The following NFIC variants were observed in gnomAD, a reference collection of about 807,000 sequenced individuals.
NFIC encodes nuclear factor 1 C-type.
Under a neutral mutation model 54.4 loss-of-function variants are expected in NFIC, and 12 were observed. The ratio of observed to expected loss-of-function variants is 0.22; its 90% CI spans 0.14 to 0.36. The LOEUF is 0.36. Among genes scored for constraint, NFIC ranks in the 10% least tolerant of loss-of-function variants. The pLI is 1.00. For synonymous variants in NFIC, 322 were observed against 319.2 expected (o/e 1.01, Z -0.09); for missense variants, 575 against 718.2 (o/e 0.80, Z 2.28).
rs1056930128 is a variant in NFIC, at chr19:3,434,987, C to G, written c.834-96C>G. ...CTCGCGATACTACCTCCCTCGCCCC[C>G]GCTCACTTAAGGACCGGAAGTAGCA... On this transcript the variant is annotated intron_variant, in intron 5 of 10. Coordinates refer to ENST00000443272, the MANE Select transcript of NFIC (RefSeq NM_001245002.2). 56 of 1,418,232 alleles carry G rather than the reference C, an allele frequency of 3.9e-5. No individual in the cohort carries two copies. In the Admixed American group the frequency reaches 8.2e-4, roughly 21 times the overall value. 87.9% of individuals were successfully genotyped at this position (1,418,232 alleles called of 1,614,324 possible).
intron 3 of NFIC, among the ~76,000 whole-genome samples, chr19:3,430,846 C>T (rs1401242301): frequency 1.3e-5 from 2 of 148,912 alleles, no homozygotes; most frequent in Non-Finnish European, 3.0e-5. Flanking sequence ...ACAGGAGAAT[C>T]GCTTGAACCT....
chr19:3,400,833 C>T (rs962943980), intron 2 of NFIC, among the ~76,000 whole-genome samples: 2 of 152,152 alleles, frequency 1.3e-5, no homozygotes, highest in Non-Finnish European at 2.9e-5. Context: ...CAGAGCGAGA[C>T]TCCGTCTCAA....
In NFIC at chr19:3,467,781, A is replaced by ATATATATATATATATATATATATATG. The variant is rs1244660084; in HGVS notation, c.*5020_*5021insTATATATATATATATATGTATATATA. The stretch of plus-strand genomic sequence containing the variant: ...TACATATATATATATATATATATAT[A>ATATATATATATATATATATATATATG]TATATATAATTTTGGAATTTGTTTC... On this transcript the variant is annotated 3_prime_UTR_variant, in exon 11 of 11. Coordinates refer to ENST00000443272, the MANE Select transcript of NFIC (RefSeq NM_001245002.2). 2.1e-4 allele frequency: 29 copies of ATATATATATATATATATATATATATG among 135,126 alleles called. No homozygotes were observed. Among genetic ancestry groups the ATATATATATATATATATATATATATG allele is most frequent in the African/African-American group, 8.1e-4 (27 of 33,158 alleles). 8.4% of individuals were successfully genotyped at this position (135,126 alleles called of 1,614,324 possible). A position where few individuals can be genotyped will look rare whatever the true frequency, so the allele number is the denominator to read the frequency against.
intron 2 of NFIC, among the ~76,000 whole-genome samples, chr19:3,407,263 G>A (rs111559059): frequency 2.0e-5 from 3 of 150,408 alleles, no homozygotes; most frequent in African/African-American, 4.9e-5. Context: ...ACAGGCGCCC[G>A]CCACCACGCC....
rs775233908 is a variant in NFIC, at chr19:3,382,154, G to A, written c.473G>A (p.Gly158Asp). ...GERLVKAAQCGHPVLCVQPHH... is the reference protein window; with the variant it reads ...GERLVKAAQCDHPVLCVQPHH... The stretch of plus-strand genomic sequence containing the variant: ...CGCCTGGTCAAGGCTGCGCAGTGCG[G>A]TCACCCGGTCCTGTGCGTGCAGCCG... Residue 158 changes from glycine to aspartate, a missense_variant, in exon 2 of 11, where the codon GGT becomes GAT. Gly to Asp is a moderately conservative substitution (Grantham distance 94, BLOSUM62 -1). Coordinates refer to ENST00000443272, the MANE Select transcript of NFIC (RefSeq NM_001245002.2). 6.2e-7 allele frequency: 1 copy of A among 1,613,110 alleles called. No individual in the cohort carries two copies. The highest frequency in any genetic ancestry group is 1.1e-5 in the South Asian group (1 of 91,072).
At chr19:3,462,012 C>A (rs2082647514) in intron 10 of NFIC, among the ~76,000 whole-genome samples, 1 of 151,602 alleles carries the variant, frequency 6.6e-6, no homozygotes, top group Non-Finnish European at 1.5e-5. Context: ...CGAGATCATG[C>A]CACTGCACTC....
At chr19:3,424,663 G>C (rs1387184771) in intron 2 of NFIC, among the ~76,000 whole-genome samples, 3 of 152,192 alleles carry the variant, frequency 2.0e-5, no homozygotes, top group Non-Finnish European at 4.4e-5. Flanking sequence ...GATTACAGGC[G>C]TGAGCCACCG....
At chr19:3,366,738 G>A in intron 1 of NFIC, 72 bp downstream of exon 1, 4 of 1,144,722 alleles carry the variant, frequency 3.5e-6, no homozygotes, top group Non-Finnish European at 4.6e-6. Flanking sequence ...TTTTGAAGCA[G>A]GAGGAGGCGG....
chr19:3,408,919 A>G (rs1341134395), intron 2 of NFIC, among the ~76,000 whole-genome samples: 1 of 151,884 alleles, frequency 6.6e-6, no homozygotes. Flanking sequence ...TTTTGTAGAG[A>G]TGGGGTCTTG....
intron 6 of NFIC, among the ~76,000 whole-genome samples, chr19:3,448,299 C>A (rs988473195): frequency 2.0e-5 from 3 of 152,232 alleles, no homozygotes; most frequent in African/African-American, 7.2e-5. Context: ...TCTTGAACTC[C>A]TGGCCTCAAG....
chr19:3,454,028 C>T lies in NFIC; in HGVS notation c.1423+112C>T, dbSNP rs1461246144. 7.2e-6 allele frequency: 10 copies of T among 1,385,730 alleles called. No individual in the cohort carries two copies. In the African/African-American group the frequency reaches 7.6e-5, roughly 11 times the overall value. 85.8% of individuals were successfully genotyped at this position (1,385,730 alleles called of 1,614,324 possible). A position where few individuals can be genotyped will look rare whatever the true frequency, so the allele number is the denominator to read the frequency against. ...TCAGGCCCGACCCTGCAGGGCCTGG[C>T]GAGTTTGGTGGGTCTCCGGAAAACA... On this transcript the variant is annotated intron_variant, in intron 9 of 10. Transcript: ENST00000443272.
chr19:3,364,354 C>T (rs1039276194), upstream of NFIC, among the ~76,000 whole-genome samples: 5 of 152,100 alleles, frequency 3.3e-5, no homozygotes, highest in South Asian at 2.1e-4. Flanking sequence ...TATGAGCTGG[C>T]GTCGCCCCAT....
chr19:3,387,341 A>C (rs2081312622), intron 2 of NFIC, among the ~76,000 whole-genome samples: 2 of 152,270 alleles, frequency 1.3e-5, no homozygotes, highest in South Asian at 4.1e-4. Flanking sequence ...ATCTCTACTA[A>C]AAATACAAAA....
chr19:3,447,968 G>C (rs952255091), intron 6 of NFIC, among the ~76,000 whole-genome samples: 8 of 152,222 alleles, frequency 5.3e-5, no homozygotes, highest in Admixed American at 3.9e-4. Context: ...GCAATGGCGT[G>C]ATCTCGGCCC....
chr19:3,449,144 G>A lies in NFIC; in HGVS notation c.1084+5G>A, dbSNP rs759773847. 17 of 1,610,132 alleles carry A rather than the reference G, an allele frequency of 1.1e-5. No homozygotes were observed. Among genetic ancestry groups the A allele is most frequent in the Middle Eastern group, 3.3e-4 (2 of 6,068 alleles). ...CCGTCATCGCCGTGCACAGCGGTAA[G>A]CGCCACGGGCCCCTGGCGGGGAGGG... On this transcript the variant is annotated splice_donor_5th_base_variant and intron_variant, in intron 7 of 10. Transcript: ENST00000443272.
chr19:3,433,202 C>T (rs566108418), intron 3 of NFIC, among the ~76,000 whole-genome samples: 2 of 150,790 alleles, frequency 1.3e-5, no homozygotes, highest in Admixed American at 6.6e-5. Flanking sequence ...TGAGCTCAAG[C>T]GTTCCTCCTG....
chr19:3,403,398 G>C (rs1006062455), intron 2 of NFIC, among the ~76,000 whole-genome samples: 1 of 152,152 alleles, frequency 6.6e-6, no homozygotes, highest in African/African-American at 2.4e-5. Flanking sequence ...TTCCCCCTTT[G>C]TAAAGCAGAA....
chr19:3,426,750 A>G lies in NFIC; in HGVS notation c.634+1573A>G, dbSNP rs902961508. ...GACCTCCTCGCCGTTCCTCCAGTGC[A>G]CCAGACCCAGTCCTGCCTCAGGGCC... On this transcript the variant is annotated intron_variant, in intron 3 of 10. Coordinates refer to ENST00000443272, the MANE Select transcript of NFIC (RefSeq NM_001245002.2). Among the ~76,000 whole-genome samples, 3 of 151,890 alleles carry G rather than the reference A, an allele frequency of 2.0e-5. No homozygotes were observed. In the East Asian group the frequency reaches 5.8e-4, roughly 29 times the overall value.
upstream of NFIC, among the ~76,000 whole-genome samples, chr19:3,362,849 C>A (rs933434904): frequency 6.6e-6 from 1 of 152,086 alleles, no homozygotes; most frequent in African/African-American, 2.4e-5. Flanking sequence ...AATCATTTGC[C>A]TGCAAGATTA....
Sources: gnomAD v4.1 joint callset for allele counts (sites outside exome capture counted in the v4.1 genomes callset) on GRCh38, gnomAD v4.1.1 for gene constraint, MANE v1.5 for transcripts, NCBI Gene and HGNC (gene_info 2026-07-23, HGNC 2026-07-21) for gene names.